Variants in PLXND1 observed in about 807,000 individuals in gnomAD.
PLXND1 encodes plexin D1.
In PLXND1, 54 loss-of-function variants were observed where a neutral mutation model predicts 197.7. That is an observed-to-expected ratio of 0.27 (90% CI 0.22 to 0.34). The LOEUF is 0.34. Ranked by LOEUF, PLXND1 falls within the 10% of genes least tolerant of loss-of-function variation. The pLI is 1.00. For missense variants in PLXND1, 2,127 were observed against 2,699.2 expected (o/e 0.79, Z 4.70); for synonymous variants, 1,180 against 1,161.2 (o/e 1.02, Z -0.33).
rs972119469 is a variant in PLXND1, at chr3:129,589,250, G to T, written c.1488+101C>A. ...CGAATGGGAGAAAACAAAGGGTCAG[G>T]CTGGACCTGTAGCAGCCCTGTGTAC... On this transcript the variant is annotated intron_variant, in intron 2 of 35. Transcript: ENST00000324093. 9.6e-6 allele frequency: 9 copies of T among 933,276 alleles called. No homozygotes were observed. In the South Asian group the frequency reaches 9.7e-5, roughly 10 times the overall value. The allele number at this position is 933,276 out of a possible 1,614,324, so 57.8% of individuals were successfully genotyped here. A position where few individuals can be genotyped will look rare whatever the true frequency, so the allele number is the denominator to read the frequency against.
chr3:129,593,381 C>T (rs552847078), intron 1 of PLXND1, among the ~76,000 whole-genome samples: 1 of 152,338 alleles, frequency 6.6e-6, no homozygotes, highest in Admixed American at 6.5e-5. Flanking sequence ...CAGCCAATGC[C>T]CATCCCATGC....
At position 129,574,394 on chromosome 3, in the gene PLXND1, C is replaced by T. The variant is rs554042254; in HGVS notation, c.2627G>A (p.Arg876His). 7.4e-5 allele frequency: 120 copies of T among 1,612,244 alleles called. 1 individual carries two copies. The South Asian group carries it at 8.4e-4, about 11-fold the overall frequency. Residue 876 changes from arginine (R) to histidine (H), a missense_variant, in exon 12 of 36, where the codon CGC (arginine) becomes CAC (histidine). This residue lies in a region of PLXND1 where 1,095 missense variants were observed against 1,259.8 expected (regional missense o/e 0.87). Coordinates refer to ENST00000324093, the MANE Select transcript of PLXND1 (RefSeq NM_015103.3). ...GHLCMWSDGC[R>H]LRGPLQPMAG... ...CATGGGCTGCAGAGGCCCCCGCAGGCGGCAGCCATCACTCCACATGCACAG... is the reference window on the plus strand; with the variant it reads ...CATGGGCTGCAGAGGCCCCCGCAGGTGGCAGCCATCACTCCACATGCACAG...
chr3:129,563,065 C>T (rs1438630160), intron 26 of PLXND1, 29 bp downstream of exon 26: 1 of 1,612,866 alleles, frequency 6.2e-7, no homozygotes, highest in African/African-American at 1.3e-5. Context: ...CACAGCAGCC[C>T]TGGGACCCTC....
chr3:129,594,423 G>A (rs1349472843), intron 1 of PLXND1, among the ~76,000 whole-genome samples: 3 of 152,164 alleles, frequency 2.0e-5, no homozygotes, highest in Non-Finnish European at 4.4e-5. Flanking sequence ...GGTCAAGGCT[G>A]CAGTGAGCTA....
chr3:129,594,002 G>C (rs771318767), intron 1 of PLXND1, among the ~76,000 whole-genome samples: 1 of 152,188 alleles, frequency 6.6e-6, no homozygotes, highest in Admixed American at 6.5e-5. Context: ...TCTCTCCCCA[G>C]GAAGCCAGTT....
chr3:129,605,372 A>C lies in PLXND1; in HGVS notation c.1268T>G (p.Val423Gly). The C allele has an allele frequency of 6.7e-7, 1 of 1,498,446 alleles. No individual in the cohort carries two copies. The highest frequency in any genetic ancestry group is 2.2e-5 in the Admixed American group (1 of 45,768). The allele number at this position is 1,498,446 out of a possible 1,614,324, so 92.8% of individuals were successfully genotyped here. A position where few individuals can be genotyped will look rare whatever the true frequency, so the allele number is the denominator to read the frequency against. The change falls in exon 1 of 36, where the codon GTG becomes GGG. Residue 423 changes from valine to glycine, a missense_variant. Physicochemically the swap from Val to Gly is moderately radical, Grantham distance 109. Transcript: ENST00000324093. The stretch of plus-strand genomic sequence containing the variant: ...CTCACAGGCCGGTCCCGTGCCCTGC[A>C]CCACGCTGTCGAGCACCGCCACCAC... Reference protein sequence around the residue: ...PDVVAVLDSVVQGTGPACERK... With the variant: ...PDVVAVLDSVGQGTGPACERK...
Position 129,565,510 on chromosome 3 carries a change from C to T in PLXND1, c.4351G>A (p.Ala1451Thr), listed in dbSNP as rs779220362. 11 of 1,613,598 alleles carry T rather than the reference C, an allele frequency of 6.8e-6. No homozygotes were observed. The Admixed American group carries it at 8.3e-5, about 12-fold the overall frequency. The change falls in exon 25 of 36, where the codon GCG (alanine) becomes ACG (threonine). Residue 1451 changes from alanine to threonine, a missense_variant. Ala to Thr is a moderately conservative substitution (Grantham distance 58). This residue lies in a region of PLXND1 where 532 missense variants were observed against 811.0 expected (regional missense o/e 0.66). Transcript: ENST00000324093. ...RCSLASLLTI[A>T]LHGKLEYYTS... Reference sequence around the variant, plus strand: ...TAGTACTCCAGCTTGCCGTGCAGCGCGATGGTCAGCAGCGAGGCCAGGCTG... The same window carrying T: ...TAGTACTCCAGCTTGCCGTGCAGCGTGATGGTCAGCAGCGAGGCCAGGCTG...
intron 2 of PLXND1, among the ~76,000 whole-genome samples, chr3:129,587,477 G>GC (rs1237726915): frequency 6.6e-6 from 1 of 152,196 alleles, no homozygotes; most frequent in African/African-American, 2.4e-5. Flanking sequence ...ACCGGTCAGA[G>GC]CCCCACCAAA....
rs1187859020 is a variant in PLXND1, at chr3:129,557,056, C to T, written c.5586+27G>A. The T allele has an allele frequency of 2.5e-6, 4 of 1,611,608 alleles. No homozygotes were observed. In the Admixed American group the frequency reaches 6.7e-5, roughly 27 times the overall value. The stretch of plus-strand genomic sequence containing the variant: ...CCCGATCCCTCAGCTCTTCAGGCCC[C>T]CATCCCCCGCCGCCGAGCCACCGCA... On this transcript the variant is annotated intron_variant, in intron 34 of 35. Coordinates refer to ENST00000324093, the MANE Select transcript of PLXND1 (RefSeq NM_015103.3). This position sits in a 1 kb window ranked among gnomAD's most constrained non-coding sequence, Gnocchi z 4.8.
intron 2 of PLXND1, 44 bp downstream of exon 2, chr3:129,589,307 G>GCCCCCCCCCCCCCCC: frequency 1.5e-6 from 1 of 684,692 alleles, no homozygotes; most frequent in Admixed American, 2.3e-5. Flanking sequence ...TCCCAGGGGA[G>GCCCCCCCCCCCCCCC]CCTCCCACCC....
chr3:129,556,859 T>C (rs1477341185), intron 34 of PLXND1, 168 bp from the exon 35 acceptor site: 21 of 690,102 alleles, frequency 3.0e-5, no homozygotes, highest in Non-Finnish European at 4.7e-5. Context: ...TCCCGGACCC[T>C]GAAGTCCAAT....
Position 129,584,251 on chromosome 3 carries a change from G to A in PLXND1, c.2030-18C>T. On this transcript the variant is annotated intron_variant, in intron 6 of 35. Coordinates refer to ENST00000324093, the MANE Select transcript of PLXND1 (RefSeq NM_015103.3). The stretch of plus-strand genomic sequence containing the variant: ...CACGTGGTCTGGAATGGATGGGGGA[G>A]CCAGGGGAGGACATGGGGGCAGGGG... 6.3e-7 allele frequency: 1 copy of A among 1,596,438 alleles called. No individual in the cohort carries two copies. Among genetic ancestry groups the A allele is most frequent in the Non-Finnish European group, 8.6e-7 (1 of 1,167,842 alleles).
intron 8 of PLXND1, among the ~76,000 whole-genome samples, chr3:129,582,784 A>G (rs1227890216): frequency 6.6e-6 from 1 of 152,212 alleles, no homozygotes; most frequent in Non-Finnish European, 1.5e-5. Flanking sequence ...TAAAAAGCCT[A>G]GATTGATCCA....
intron 29 of PLXND1, chr3:129,560,934 T>C (rs1376132628): frequency 1.5e-6 from 1 of 669,118 alleles, no homozygotes; most frequent in African/African-American, 1.8e-5. Flanking sequence ...CAGAGACGCA[T>C]GGGGAGACTG....
chr3:129,580,235 G>A lies in PLXND1; in HGVS notation c.2242-1802C>T, dbSNP rs184130822. On this transcript the variant is annotated intron_variant, in intron 8 of 35. Transcript: ENST00000324093. The stretch of plus-strand genomic sequence containing the variant: ...GACAGGGTCTGGTGCAGACCTCAGG[G>A]GCTTGGCAAGAGAAGCAGCATAGCC... Among the ~76,000 whole-genome samples, 286 of 144,284 alleles carry A rather than the reference G, an allele frequency of 2.0e-3. No homozygotes were observed. In the East Asian group the frequency reaches 0.021, roughly 10 times the overall value. The allele number at this position is 144,284 out of a possible 152,430, so 94.7% of individuals were successfully genotyped here.
At position 129,583,687 on chromosome 3, in the gene PLXND1, C is replaced by T. The variant is rs756522557; in HGVS notation, c.2139-18G>A. The T allele has an allele frequency of 1.3e-6, 2 of 1,555,454 alleles. No individual in the cohort carries two copies. The highest frequency in any genetic ancestry group is 1.1e-5 in the South Asian group (1 of 88,824). ...TGGTACAGCTGGAAGACAAGGAGGC[C>T]CCTCAACTCCTGGTTCCCCACCCCT... On this transcript the variant is annotated intron_variant, in intron 7 of 35. Transcript: ENST00000324093.
chr3:129,571,333 G>T, intron 17 of PLXND1, 30 bp from the exon 18 acceptor site: 1 of 1,600,706 alleles, frequency 6.2e-7, no homozygotes. Flanking sequence ...GGCCCAGGCC[G>T]GGATGCAGGA....
intron 13 of PLXND1, 53 bp from the exon 14 acceptor site, chr3:129,572,994 T>G: frequency 7.6e-7 from 1 of 1,312,752 alleles, no homozygotes; most frequent in South Asian, 1.2e-5. Context: ...ACGGCCACCC[T>G]AGAGCCAGGC....
chr3:129,581,733 T>C (rs79583391), intron 8 of PLXND1, among the ~76,000 whole-genome samples: 1,654 of 152,242 alleles, frequency 0.011, 36 homozygotes, highest in African/African-American at 0.037. Context: ...GGCTCTTGGC[T>C]CGTGATGGCA....
Sources: allele counts gnomAD v4.1 joint callset (sites outside exome capture counted in the v4.1 genomes callset), GRCh38; gene constraint gnomAD v4.1.1; regional missense constraint gnomAD v4.1.1; non-coding constraint Gnocchi (gnomAD v3.1); transcripts MANE v1.5; gene names NCBI Gene and HGNC (gene_info 2026-07-23, HGNC 2026-07-21).